TMEM231: variants seen among roughly 807,000 people sequenced by gnomAD.
TMEM231 encodes the protein transmembrane protein 231.
TMEM231 carries 40 observed loss-of-function variants against 38.5 expected under a neutral mutation model. The ratio of observed to expected loss-of-function variants is 1.04; its 90% CI spans 0.81 to 1.35. The LOEUF is 1.35. Ranked by LOEUF, TMEM231 falls within the 40% of genes most tolerant of loss-of-function variation. The probability of loss-of-function intolerance (pLI) is 0.00; values close to 1 mark genes in which losing one functional copy is unlikely to be tolerated. For missense variants in TMEM231, 420 were observed against 416.9 expected, an observed-to-expected ratio of 1.01 and a Z score of -0.07; for synonymous variants, 199 against 181.7, an observed-to-expected ratio of 1.10 and a Z score of -0.77.
chr16:75,547,764 C>T (rs765816746), intron 2 of TMEM231, among the ~76,000 whole-genome samples: 4 of 151,542 alleles, frequency 2.6e-5, no homozygotes, highest in Admixed American at 6.6e-5. Context: ...GGTGACAGAG[C>T]GAGACTCCAT....
chr16:75,547,167 C>A (rs573371261), intron 2 of TMEM231, among the ~76,000 whole-genome samples: 4 of 152,320 alleles, frequency 2.6e-5, no homozygotes, highest in Admixed American at 2.6e-4. Context: ...TCCTTTCCCA[C>A]TGTGGATTCC....
chr16:75,541,349 T>C lies in TMEM231; in HGVS notation c.770+1A>G, dbSNP rs757260161. ...CATGGACTCTTTAACAGAAAGGATA[T>C]GAAATGACTTCCACAGGGTATCGGA... is the stretch of plus-strand genomic sequence containing the variant. On this transcript the variant is annotated splice_donor_variant, in intron 6 of 6. Transcript: ENST00000258173. LOFTEE classifies it high-confidence loss of function. 27 of 1,604,360 alleles carry C rather than the reference T, an allele frequency of 1.7e-5. No individual in the cohort carries two copies. Among genetic ancestry groups the C allele is most frequent in the Non-Finnish European group, 2.0e-5 (23 of 1,173,686 alleles).
chr16:75,544,637 G>T (rs1351987693), intron 4 of TMEM231, among the ~76,000 whole-genome samples: 1 of 152,134 alleles, frequency 6.6e-6, no homozygotes, highest in Non-Finnish European at 1.5e-5. Flanking sequence ...GTAAACTATG[G>T]CTAGTAATAT....
rs765968253 is a variant in TMEM231 at position 75,555,955 on chromosome 16, C to T, written c.158G>A (p.Ser53Asn). The change falls in exon 2 of 7, where the codon AGC (serine) becomes AAC (asparagine). Residue 53 changes from serine to asparagine, a missense_variant. Ser to Asn is a conservative substitution (Grantham distance 46, BLOSUM62 1). Transcript: ENST00000258173. ...FRSHGFWLKR[S>N]SYEEQPTVRF... is the part of the protein sequence containing the mutation. ...CACGGTCGGCTGCTCCTCGTAGCTG[C>T]TCCGCTTCAGCCAAAACCCTGAGTT... 1 of 1,603,982 alleles carries T rather than the reference C, an allele frequency of 6.2e-7. No homozygotes were observed. The highest frequency in any genetic ancestry group is 1.1e-5 in the South Asian group (1 of 89,194).
At chr16:75,554,697 TC>T (rs2080793372) in intron 2 of TMEM231, among the ~76,000 whole-genome samples, 1 of 152,214 alleles carries the variant, frequency 6.6e-6, no homozygotes, top group Non-Finnish European at 1.5e-5. Context: ...TCAATTTCTG[TC>T]ATTATATCTA....
intron 2 of TMEM231, among the ~76,000 whole-genome samples, chr16:75,550,752 G>A (rs978471816): frequency 2.1e-5 from 3 of 143,600 alleles, no homozygotes; most frequent in Non-Finnish European, 3.0e-5. Context: ...GTCTGGCTCT[G>A]TTGCCCAGGT....
At chr16:75,555,459 G>A in intron 2 of TMEM231, 1 of 296,218 alleles carries the variant, frequency 3.4e-6, no homozygotes, top group Non-Finnish European at 6.2e-6. Context: ...CGGCCTTCCA[G>A]GCTCCTAAAT....
At position 75,539,862 on chromosome 16, in the gene TMEM231, A is replaced by C. The variant is rs2080600009; in HGVS notation, c.*132T>G. On this transcript the variant is annotated 3_prime_UTR_variant, in exon 7 of 7. Coordinates refer to ENST00000258173, the MANE Select transcript of TMEM231 (RefSeq NM_001077418.3). ...AACTGTGTAGAGCAAAACCGGAAAG[A>C]ACCGTTGTCTCTGAGGGAAAAGCAC... The C allele has an allele frequency of 2.8e-6, 2 of 711,594 alleles. No homozygotes were observed. Among genetic ancestry groups the C allele is most frequent in the African/African-American group, 3.6e-5 (2 of 55,796 alleles). The allele number at this position is 711,594 out of a possible 1,614,324, so 44.1% of individuals were successfully genotyped here.
At chr16:75,550,944 C>T (rs1294342695) in intron 2 of TMEM231, among the ~76,000 whole-genome samples, 1 of 151,970 alleles carries the variant, frequency 6.6e-6, no homozygotes, top group Non-Finnish European at 1.5e-5. Context: ...CTAGAACTCC[C>T]TACCTCAGGT....
At chr16:75,542,218 C>T (rs2080635434) in intron 5 of TMEM231, among the ~76,000 whole-genome samples, 1 of 152,054 alleles carries the variant, frequency 6.6e-6, no homozygotes, top group Non-Finnish European at 1.5e-5. Flanking sequence ...GAGTCACCCA[C>T]GTTCTCTGTT....
chr16:75,544,163 G>T (rs1368918666), intron 4 of TMEM231, among the ~76,000 whole-genome samples: 1 of 152,238 alleles, frequency 6.6e-6, no homozygotes, highest in East Asian at 1.9e-4. Context: ...CAGGCAGTGT[G>T]CTAGGCACGG....
intron 2 of TMEM231, among the ~76,000 whole-genome samples, chr16:75,549,033 G>T (rs1453336804): frequency 1.3e-5 from 2 of 152,148 alleles, no homozygotes; most frequent in African/African-American, 4.8e-5. Context: ...GTACCCGTGG[G>T]ATCAATGCAT....
chr16:75,555,256 T>C (rs150489621), intron 2 of TMEM231: 1 of 153,258 alleles, frequency 6.5e-6, no homozygotes, highest in Non-Finnish European at 1.5e-5. Flanking sequence ...AGCTTCAGGA[T>C]GGCGCAGTCT....
In TMEM231 at chr16:75,539,309, C is replaced by A. The variant is rs975781530; in HGVS notation, c.*685G>T. On this transcript the variant is annotated 3_prime_UTR_variant, in exon 7 of 7. Transcript: ENST00000258173. Reference sequence around the variant, plus strand: ...GGCACAGACAGAGGGAAAAATAGGGCAAAGAGCCCAGTCACAGTACGGCAA... The same window carrying A: ...GGCACAGACAGAGGGAAAAATAGGGAAAAGAGCCCAGTCACAGTACGGCAA... 2.0e-5 allele frequency: 3 copies of A among 152,486 alleles called. No individual in the cohort carries two copies. The highest frequency in any genetic ancestry group is 7.2e-5 in the African/African-American group (3 of 41,486). 9.4% of individuals were successfully genotyped at this position (152,486 alleles called of 1,614,324 possible).
rs58545518 is a variant in TMEM231, at chr16:75,541,180, ATT to A, written c.770+168_770+169del. On this transcript the variant is annotated intron_variant, in intron 6 of 6. Coordinates refer to ENST00000258173, the MANE Select transcript of TMEM231 (RefSeq NM_001077418.3). ...ACATGTACGCCACTATGCCTGGCTA[ATT>A]TTTTTTTTTTTTTTTTTGGTAGAGA... Among the ~76,000 whole-genome samples the A allele has an allele frequency of 0.064, 8,784 of 136,718 alleles. 904 individuals carry two copies. Among genetic ancestry groups the A allele is most frequent in the African/African-American group, 0.22 (8,289 of 37,120 alleles). 89.7% of individuals were successfully genotyped at this position (136,718 alleles called of 152,430 possible).
In TMEM231 at chr16:75,541,400, A is replaced by G. The variant is rs763415666; in HGVS notation, c.720T>C (p.Asp240=). 6.2e-7 allele frequency: 1 copy of G among 1,612,344 alleles called. No individual in the cohort carries two copies. The highest frequency in any genetic ancestry group is 1.1e-5 in the South Asian group (1 of 90,796). ...TGATAGCATTAATCACAAATGGAGCATCTGCGGCCCTGCCCACCAGCCAGA... is the reference window on the plus strand; with the variant it reads ...TGATAGCATTAATCACAAATGGAGCGTCTGCGGCCCTGCCCACCAGCCAGA... ...NPIWLVGRAA[D]APFVINAIIR... The change falls in exon 6 of 7, where the codon GAT becomes GAC. Residue 240 remains aspartate, a synonymous_variant. Coordinates refer to ENST00000258173, the MANE Select transcript of TMEM231 (RefSeq NM_001077418.3).
chr16:75,554,650 G>C (rs2080792897), intron 2 of TMEM231, among the ~76,000 whole-genome samples: 1 of 151,978 alleles, frequency 6.6e-6, no homozygotes, highest in South Asian at 2.1e-4. Context: ...GAATACAGCT[G>C]ATTAATAAGT....
rs11641617 is a variant in TMEM231 at position 75,552,283 on chromosome 16, A to T, written c.309+3521T>A. On this transcript the variant is annotated intron_variant, in intron 2 of 6. Transcript: ENST00000258173. ...AGCCTGGCCAACATGGTAAAACCTC[A>T]TCTATACTAAAAATACAAAAATGAG... 5.9e-3 allele frequency among the ~76,000 whole-genome samples: 897 copies of T among 152,014 alleles called. 9 individuals carry two copies. Among genetic ancestry groups the T allele is most frequent in the African/African-American group, 0.021 (858 of 41,466 alleles).
intron 4 of TMEM231, among the ~76,000 whole-genome samples, chr16:75,543,280 T>A (rs1329958342): frequency 6.6e-6 from 1 of 151,206 alleles, no homozygotes; most frequent in East Asian, 1.9e-4. Context: ...TAAAAAAAAA[T>A]AAAAAGCCAG....
Sources: gnomAD v4.1 joint callset for allele counts (sites outside exome capture counted in the v4.1 genomes callset) on GRCh38, gnomAD v4.1.1 for gene constraint, MANE v1.5 for transcripts, NCBI Gene and HGNC (gene_info 2026-07-23, HGNC 2026-07-21) for gene names.